CFAP20DC: variants seen among roughly 807,000 people sequenced by gnomAD.
CFAP20DC encodes CFAP20 domain containing.
Under a neutral mutation model 101.7 loss-of-function variants are expected in CFAP20DC, and 84 were observed. The observed-to-expected ratio is 0.83, with a 90% CI of 0.69 to 0.99. The LOEUF (loss-of-function observed/expected upper bound fraction) is 0.99, where lower values mean the gene tolerates loss of function less well. Among genes scored for constraint, CFAP20DC ranks in the 50% least tolerant of loss-of-function variants. CFAP20DC has a pLI of 0.00. For missense variants in CFAP20DC, 1,007 were observed against 970.3 expected (o/e 1.04, Z -0.50); for synonymous variants, 359 against 351.2 (o/e 1.02, Z -0.25).
At chr3:58,801,829 C>T (rs1343970770) in intron 15 of CFAP20DC, among the ~76,000 whole-genome samples, 2 of 152,128 alleles carry the variant, frequency 1.3e-5, no homozygotes, top group African/African-American at 4.8e-5. Context: ...GGCAAGGCTG[C>T]AAAGGATTCA....
chr3:58,796,575 A>C (rs1410952084), intron 15 of CFAP20DC, among the ~76,000 whole-genome samples: 5 of 152,112 alleles, frequency 3.3e-5, no homozygotes, highest in Non-Finnish European at 5.9e-5. Flanking sequence ...CTCTCCAGGA[A>C]CAGAAGGGGT....
At chr3:58,871,202 C>T (rs2080178179) in intron 7 of CFAP20DC, among the ~76,000 whole-genome samples, 1 of 151,980 alleles carries the variant, frequency 6.6e-6, no homozygotes, top group Admixed American at 6.6e-5. Flanking sequence ...GTAGGATGCC[C>T]TAGGCAGAAG....
At chr3:58,762,178 C>G (rs1403056202) in intron 15 of CFAP20DC, among the ~76,000 whole-genome samples, 1 of 152,082 alleles carries the variant, frequency 6.6e-6, no homozygotes, top group Non-Finnish European at 1.5e-5. Context: ...GTCTAAGTCT[C>G]TTTGTAGGTC....
intron 4 of CFAP20DC, among the ~76,000 whole-genome samples, chr3:59,036,524 T>C (rs1260784547): frequency 6.6e-6 from 1 of 152,130 alleles, no homozygotes; most frequent in Non-Finnish European, 1.5e-5. Flanking sequence ...AGCCAAATCA[T>C]GAGTGAACTC....
At chr3:59,048,387 T>C (rs971867837) in intron 1 of CFAP20DC, among the ~76,000 whole-genome samples, 1 of 152,196 alleles carries the variant, frequency 6.6e-6, no homozygotes, top group African/African-American at 2.4e-5. Context: ...AAACTGTATA[T>C]GGGATAGAAT....
intron 5 of CFAP20DC, among the ~76,000 whole-genome samples, chr3:58,935,958 A>G (rs2087523655): frequency 6.6e-6 from 1 of 152,030 alleles, no homozygotes; most frequent in South Asian, 2.1e-4. Flanking sequence ...CTGCACAGCA[A>G]AAGAAACTAC....
intron 4 of CFAP20DC, among the ~76,000 whole-genome samples, chr3:58,954,244 A>G (rs1191633172): frequency 1.3e-5 from 2 of 152,168 alleles, no homozygotes; most frequent in African/African-American, 2.4e-5. Context: ...CCCATCCAAG[A>G]GTGTAGATAA....
rs1454910018 is a variant in CFAP20DC, at chr3:58,861,688, T to C, written c.1593+1870A>G. The stretch of plus-strand genomic sequence containing the variant: ...CAGCAAACCCCAAAGCTTGATAATG[T>C]GGCAGGTGTTTCCCCTCTCTCTGGC... On this transcript the variant is annotated intron_variant, in intron 12 of 16. Transcript: ENST00000482387. The surrounding 1 kb of genome is among the most constrained non-coding windows in gnomAD (Gnocchi z 4.0). The C allele has an allele frequency of 2.0e-6, 2 of 985,334 alleles. No individual in the cohort carries two copies. Among genetic ancestry groups the C allele is most frequent in the Admixed American group, 6.1e-5 (1 of 16,262 alleles). The allele number at this position is 985,334 out of a possible 1,614,324, so 61.0% of individuals were successfully genotyped here.
At chr3:58,737,097 G>GA (rs1482973712), downstream of CFAP20DC, 2 of 422,216 alleles carry the variant, frequency 4.7e-6, no homozygotes, top group Non-Finnish European at 9.3e-6. This position sits in a 1 kb window ranked among gnomAD's most constrained non-coding sequence, Gnocchi z 4.1. Context: ...ATATGACAAA[G>GA]AAAATATCTG....
At chr3:58,941,835 C>T (rs1315213833) in intron 4 of CFAP20DC, among the ~76,000 whole-genome samples, 6 of 152,148 alleles carry the variant, frequency 3.9e-5, no homozygotes, top group East Asian at 1.9e-4. Flanking sequence ...GGATTACAGA[C>T]GTGAGCCACT....
intron 4 of CFAP20DC, among the ~76,000 whole-genome samples, chr3:58,961,723 T>C (rs1258227915): frequency 6.6e-6 from 1 of 152,132 alleles, no homozygotes; most frequent in Non-Finnish European, 1.5e-5. Context: ...TATTGAAATT[T>C]TCTGTTTTTT....
At position 58,799,735 on chromosome 3, in the gene CFAP20DC, G is replaced by A. The variant is rs886668083; in HGVS notation, c.2237+6660C>T. Among the ~76,000 whole-genome samples, 1 of 76,088 alleles carries A rather than the reference G, an allele frequency of 1.3e-5. No homozygotes were observed. Among genetic ancestry groups the A allele is most frequent in the South Asian group, 4.2e-4 (1 of 2,406 alleles). 49.9% of individuals were successfully genotyped at this position (76,088 alleles called of 152,430 possible). On this transcript the variant is annotated intron_variant, in intron 15 of 16. Transcript: ENST00000482387. This position sits in a 1 kb window ranked among gnomAD's most constrained non-coding sequence, Gnocchi z 4.9. ...TGTGTGTGTGTCTGTGTGTGTGTCTGTGTGTGTGTGTGTGTGTGTGTGTGT... is the reference window on the plus strand; with the variant it reads ...TGTGTGTGTGTCTGTGTGTGTGTCTATGTGTGTGTGTGTGTGTGTGTGTGT...
intron 13 of CFAP20DC, among the ~76,000 whole-genome samples, chr3:58,848,341 C>T (rs568850160): frequency 2.6e-5 from 4 of 152,138 alleles, no homozygotes; most frequent in South Asian, 2.1e-4. Flanking sequence ...TACAATGCAA[C>T]ACCCACAGAA....
chr3:58,918,193 T>C (rs112206413), intron 5 of CFAP20DC, among the ~76,000 whole-genome samples: 6 of 152,304 alleles, frequency 3.9e-5, no homozygotes, highest in African/African-American at 1.4e-4. Flanking sequence ...AGTTCACTTA[T>C]GGGGTCCATT....
chr3:58,978,724 A>T (rs2092392094), intron 4 of CFAP20DC, among the ~76,000 whole-genome samples: 1 of 151,842 alleles, frequency 6.6e-6, no homozygotes, highest in Non-Finnish European at 1.5e-5. Context: ...TGCAAAAAAA[A>T]AAAAAAAAAA....
chr3:58,755,053 C>G (rs552268082), intron 15 of CFAP20DC, among the ~76,000 whole-genome samples: 5 of 152,008 alleles, frequency 3.3e-5, no homozygotes, highest in Non-Finnish European at 7.4e-5. Context: ...GGAACTAAAC[C>G]GGTAAAGGAT....
intron 13 of CFAP20DC, among the ~76,000 whole-genome samples, chr3:58,832,784 G>A (rs1364347929): frequency 6.6e-6 from 1 of 152,194 alleles, no homozygotes; most frequent in Admixed American, 6.5e-5. Flanking sequence ...AAATTGGCAT[G>A]TAGACTTTTC....
Position 58,788,144 on chromosome 3 carries a change from T to TAA in CFAP20DC, c.2237+18249_2237+18250dup, listed in dbSNP as rs542429709. ...TTGTCCCAGAACTTAAAGTACAATT[T>TAA]AAAAAAAAAAAAGAGGAAGAAAACA... On this transcript the variant is annotated intron_variant, in intron 15 of 16. Transcript: ENST00000482387. This position sits in a 1 kb window ranked among gnomAD's most constrained non-coding sequence, Gnocchi z 4.2. Among the ~76,000 whole-genome samples, 3 of 138,720 alleles carry TAA rather than the reference T, an allele frequency of 2.2e-5. No homozygotes were observed. Among genetic ancestry groups the TAA allele is most frequent in the African/African-American group, 8.0e-5 (3 of 37,632 alleles). 91.0% of individuals were successfully genotyped at this position (138,720 alleles called of 152,430 possible).
At position 58,868,429 on chromosome 3, in the gene CFAP20DC, CCTGAATGCT is replaced by C. The variant is rs1288313062; in HGVS notation, c.1016-502_1016-494del. Among the ~76,000 whole-genome samples, 5 of 152,116 alleles carry C rather than the reference CCTGAATGCT, an allele frequency of 3.3e-5. No individual in the cohort carries two copies. Among genetic ancestry groups the C allele is most frequent in the Non-Finnish European group, 7.4e-5 (5 of 68,002 alleles). ...ATAATCATAGCAGCATTTAACATTT[CCTGAATGCT>C]TAATTTCTTGGTGCAATATGATACA... On this transcript the variant is annotated intron_variant, in intron 9 of 16. Coordinates refer to ENST00000482387, the MANE Select transcript of CFAP20DC (RefSeq NM_001394063.1). The surrounding 1 kb of genome is among the most constrained non-coding windows in gnomAD (Gnocchi z 4.6).
Sources: gnomAD v4.1 joint callset for allele counts (sites outside exome capture counted in the v4.1 genomes callset) on GRCh38, gnomAD v4.1.1 for gene constraint, Gnocchi (gnomAD v3.1) non-coding constraint, MANE v1.5 for transcripts, NCBI Gene and HGNC (gene_info 2026-07-23, HGNC 2026-07-21) for gene names.